Variants in MED13L observed in about 807,000 individuals in gnomAD.
MED13L encodes the protein mediator of RNA polymerase II transcription subunit 13-like.
In MED13L, 7 loss-of-function variants were observed where a neutral mutation model predicts 220.9. That is an observed-to-expected ratio of 0.03 (90% confidence interval 0.02 to 0.06). MED13L has a LOEUF of 0.06. Ranked by LOEUF, MED13L falls within the 10% of genes least tolerant of loss-of-function variation. MED13L has a pLI of 1.00. For missense variants in MED13L, 1,965 were observed against 2,760.5 expected, an observed-to-expected ratio of 0.71 and a Z score of 6.46; for synonymous variants, 1,011 against 1,015.2, an observed-to-expected ratio of 1.00 and a Z score of 0.08.
intron 4 of MED13L, among the ~76,000 whole-genome samples, chr12:116,076,294 T>C (rs1365552255): frequency 2.0e-5 from 3 of 152,074 alleles, no homozygotes; most frequent in Non-Finnish European, 4.4e-5. Context: ...CCCAGCACAT[T>C]GGGAGGCTGA....
intron 2 of MED13L, among the ~76,000 whole-genome samples, chr12:116,120,208 A>G (rs1874921046): frequency 6.6e-6 from 1 of 151,910 alleles, no homozygotes; most frequent in African/African-American, 2.4e-5. Context: ...TCTGACACCC[A>G]TGCTCTTTCC....
At chr12:116,088,444 A>C (rs1871901985) in intron 4 of MED13L, among the ~76,000 whole-genome samples, 1 of 152,146 alleles carries the variant, frequency 6.6e-6, no homozygotes, top group Non-Finnish European at 1.5e-5. Context: ...TTGCCCTCCC[A>C]AGGAAAATCT....
chr12:115,966,625 G>T (rs930630824), intron 28 of MED13L, among the ~76,000 whole-genome samples: 4 of 152,108 alleles, frequency 2.6e-5, no homozygotes, highest in African/African-American at 9.7e-5. Context: ...ACACACAAGC[G>T]CACCAGCCTG....
chr12:116,188,265 G>A (rs1881031113), intron 2 of MED13L, among the ~76,000 whole-genome samples: 1 of 152,114 alleles, frequency 6.6e-6, no homozygotes, highest in Admixed American at 6.6e-5. Context: ...TTTTTGAATA[G>A]TTTGAGCATA....
chr12:116,019,792 A>G lies in MED13L; in HGVS notation c.806T>C (p.Val269Ala), dbSNP rs78045584. 2 of 1,613,954 alleles carry G rather than the reference A, an allele frequency of 1.2e-6. No individual in the cohort carries two copies. The highest frequency in any genetic ancestry group is 1.7e-6 in the Non-Finnish European group (2 of 1,179,890). Residue 269 changes from valine to alanine, a missense_variant, in exon 6 of 31, where the codon GTT becomes GCT. By Grantham distance (64) the Val-to-Ala change is moderately conservative. Around this residue, in one of 10 missense-constraint regions of MED13L, gnomAD observed 818 missense variants for 1,041.2 expected, o/e 0.79. Coordinates refer to ENST00000281928, the MANE Select transcript of MED13L (RefSeq NM_015335.5). ...LGYDDDFPVA[V>A]EVIVGGVRMV... ...TTTTCTCTTACCAACAATTACTTCA[A>G]CTGCCACAGGGAAATCATCATCATA...
chr12:116,251,044 G>C (rs1018188219), intron 1 of MED13L, among the ~76,000 whole-genome samples: 1 of 150,116 alleles, frequency 6.7e-6, no homozygotes, highest in Non-Finnish European at 1.5e-5. Flanking sequence ...TCCCTAAAAA[G>C]TAAAGGAAAG....
At chr12:116,161,550 C>T (rs1878854821) in intron 2 of MED13L, among the ~76,000 whole-genome samples, 1 of 152,088 alleles carries the variant, frequency 6.6e-6, no homozygotes, top group South Asian at 2.1e-4. Context: ...GTGCTAGACC[C>T]TGAGGATTAA....
intron 23 of MED13L, among the ~76,000 whole-genome samples, chr12:115,979,966 G>C (rs535835847): frequency 3.9e-5 from 6 of 152,268 alleles, no homozygotes; most frequent in African/African-American, 1.4e-4. Context: ...GAGTGAAAAT[G>C]CATTCATTTA....
intron 2 of MED13L, among the ~76,000 whole-genome samples, chr12:116,155,980 C>CT (rs1212819342): frequency 6.6e-6 from 1 of 151,236 alleles, no homozygotes; most frequent in Non-Finnish European, 1.5e-5. Flanking sequence ...AATTTATACT[C>CT]TATTTTTCTT....
rs567473667 is a variant in MED13L, at chr12:115,981,996, T to C, written c.5175+388A>G. The C allele has an allele frequency of 6.9e-5, 14 of 203,702 alleles. No individual in the cohort carries two copies. In the South Asian group the frequency reaches 1.1e-3, roughly 16 times the overall value. 12.6% of individuals were successfully genotyped at this position (203,702 alleles called of 1,614,324 possible). A position where few individuals can be genotyped will look rare whatever the true frequency, so the allele number is the denominator to read the frequency against. ...CAAAATGCACCAAAACCCAAAACTT[T>C]TGGAATGCCAATAAAACGCCACAAG... is the stretch of plus-strand genomic sequence containing the variant. On this transcript the variant is annotated intron_variant, in intron 22 of 30. Transcript: ENST00000281928.
rs922207754 is a variant in MED13L, at chr12:116,270,942, T to G, written c.72+6118A>C. 1.3e-4 allele frequency among the ~76,000 whole-genome samples: 18 copies of G among 143,012 alleles called. No homozygotes were observed. In the Admixed American group the frequency reaches 1.3e-3, roughly 10 times the overall value. The allele number at this position is 143,012 out of a possible 152,430, so 93.8% of individuals were successfully genotyped here. ...CTGTAGTCCCAGCTACTCGGGAGGCTGAGGCAGGAAAATCGCTTGAACCCA... is the reference window on the plus strand; with the variant it reads ...CTGTAGTCCCAGCTACTCGGGAGGCGGAGGCAGGAAAATCGCTTGAACCCA... On this transcript the variant is annotated intron_variant, in intron 1 of 30. Transcript: ENST00000281928.
intron 2 of MED13L, among the ~76,000 whole-genome samples, chr12:116,166,790 C>T (rs973833976): frequency 4.6e-5 from 7 of 152,162 alleles, no homozygotes; most frequent in African/African-American, 1.7e-4. Flanking sequence ...ACAGTGCTTA[C>T]TATAGTGGCT....
rs755930534 is a variant in MED13L at position 115,983,499 on chromosome 12, T to G, written c.4573A>C (p.Ile1525Leu). 2 of 1,614,144 alleles carry G rather than the reference T, an allele frequency of 1.2e-6. No homozygotes were observed. The highest frequency in any genetic ancestry group is 1.7e-5 in the Admixed American group (1 of 60,022). Residue 1525 changes from isoleucine to leucine, a missense_variant, in exon 21 of 31, where the codon ATA (isoleucine) becomes CTA (leucine). By Grantham distance (5) the Ile-to-Leu change is conservative (BLOSUM62 2). This residue lies in a region of MED13L where 510 missense variants were observed against 620.4 expected (regional missense o/e 0.82). Coordinates refer to ENST00000281928, the MANE Select transcript of MED13L (RefSeq NM_015335.5). ...GGTGGGGTCTGGTATTTAGGTGGTA[T>G]CAATAGGCTGCTATCAAGCTGCAGA... Reference protein sequence around the residue: ...ATLQLDSSLLIPPKYQTPPAA... With the variant: ...ATLQLDSSLLLPPKYQTPPAA...
intron 2 of MED13L, among the ~76,000 whole-genome samples, chr12:116,202,924 A>G (rs1013142192): frequency 3.3e-5 from 5 of 152,240 alleles, no homozygotes; most frequent in African/African-American, 1.2e-4. Flanking sequence ...AAGAGAAATC[A>G]CAAAGTTTTA....
rs1243886147 is a variant in MED13L at position 116,008,590 on chromosome 12, A to G, written c.1823T>C (p.Leu608Pro). 2 of 1,613,944 alleles carry G rather than the reference A, an allele frequency of 1.2e-6. No homozygotes were observed. Among genetic ancestry groups the G allele is most frequent in the African/African-American group, 1.3e-5 (1 of 74,908 alleles). The change falls in exon 10 of 31, where the codon CTC (leucine) becomes CCC (proline). Residue 608 changes from leucine to proline, a missense_variant. Transcript: ENST00000281928. ...RTVLVGQRLP[L>P]MAEVSETALY... ...GGCTGTCTCGCTGACCTCTGCCATG[A>G]GAGGCAGTCTTTGGCCTACGAGGAC...
At chr12:116,225,153 C>T (rs1868842246) in intron 2 of MED13L, among the ~76,000 whole-genome samples, 1 of 152,176 alleles carries the variant, frequency 6.6e-6, no homozygotes, top group Non-Finnish European at 1.5e-5. Flanking sequence ...TTGCTATGTG[C>T]TAAGTTAGCA....
intron 16 of MED13L, among the ~76,000 whole-genome samples, chr12:115,992,632 T>C (rs922582695): frequency 1.3e-5 from 2 of 152,202 alleles, no homozygotes; most frequent in Non-Finnish European, 2.9e-5. Context: ...AAATATTACA[T>C]ATGCGGCTAA....
chr12:116,250,476 T>C (rs1871441288), intron 1 of MED13L, among the ~76,000 whole-genome samples: 1 of 151,710 alleles, frequency 6.6e-6, no homozygotes, highest in Non-Finnish European at 1.5e-5. Context: ...AAATACTTTT[T>C]TTCTCGGCCG....
At chr12:116,008,217 G>A in intron 10 of MED13L, 184 bp downstream of exon 10, 1 of 757,218 alleles carries the variant, frequency 1.3e-6, no homozygotes, top group East Asian at 2.7e-5. Flanking sequence ...TGTGTCAAAT[G>A]ACATGTGTGC....
Sources: allele counts gnomAD v4.1 joint callset (sites outside exome capture counted in the v4.1 genomes callset), GRCh38; gene constraint gnomAD v4.1.1; regional missense constraint gnomAD v4.1.1; transcripts MANE v1.5; gene names NCBI Gene and HGNC (gene_info 2026-07-23, HGNC 2026-07-21).